The following MECOM variants were observed in gnomAD, a reference collection of about 807,000 sequenced individuals.
MECOM encodes MDS1 and EVI1 complex locus.
MECOM carries 13 observed loss-of-function variants against 116.3 expected under a neutral mutation model. The observed-to-expected ratio is 0.11, with a 90% CI of 0.07 to 0.18. The LOEUF (loss-of-function observed/expected upper bound fraction) is 0.18, where lower values mean the gene tolerates loss of function less well. Among genes scored for constraint, MECOM ranks in the 10% least tolerant of loss-of-function variants. The probability of loss-of-function intolerance (pLI) is 1.00; values close to 1 mark genes in which losing one functional copy is unlikely to be tolerated. For missense variants in MECOM, 1,299 were observed against 1,509.0 expected (o/e 0.86, Z 2.31); for synonymous variants, 528 against 535.2 (o/e 0.99, Z 0.19).
At chr3:169,428,335 C>T (rs1458056489) in intron 1 of MECOM, among the ~76,000 whole-genome samples, 1 of 152,172 alleles carries the variant, frequency 6.6e-6, no homozygotes, top group African/African-American at 2.4e-5. Flanking sequence ...GAAACTTCCA[C>T]CTCAGATCAT....
At chr3:169,088,707 TG>T in intron 16 of MECOM, among the ~76,000 whole-genome samples, 1 of 152,106 alleles carries the variant, frequency 6.6e-6, no homozygotes, top group Admixed American at 6.6e-5. Flanking sequence ...ACAAACATGA[TG>T]AACTAACTGT....
chr3:169,331,799 T>TA (rs1351292774), intron 2 of MECOM, among the ~76,000 whole-genome samples: 1 of 152,148 alleles, frequency 6.6e-6, no homozygotes, highest in Non-Finnish European at 1.5e-5. Context: ...AGCTTTTCTC[T>TA]AAAATAAATT....
intron 1 of MECOM, among the ~76,000 whole-genome samples, chr3:169,492,325 A>T (rs6784181): frequency 0.73 from 110,485 of 152,122 alleles, 40,828 homozygotes; most frequent in African/African-American, 0.88. Flanking sequence ...TATGAGAGCA[A>T]AACTTGTTGA....
At chr3:169,232,465 C>T (rs1209086042) in intron 2 of MECOM, among the ~76,000 whole-genome samples, 1 of 151,504 alleles carries the variant, frequency 6.6e-6, no homozygotes, top group Non-Finnish European at 1.5e-5. Flanking sequence ...GGAAGGGAGA[C>T]ACATCAAAGA....
intron 1 of MECOM, among the ~76,000 whole-genome samples, chr3:169,499,545 T>C (rs1319621789): frequency 6.6e-6 from 1 of 151,384 alleles, no homozygotes; most frequent in Admixed American, 6.6e-5. Context: ...TCCAGACTTA[T>C]AAGACCTAAA....
chr3:169,550,409 G>C (rs1018543312), intron 1 of MECOM, among the ~76,000 whole-genome samples: 1 of 152,172 alleles, frequency 6.6e-6, no homozygotes, highest in East Asian at 1.9e-4. Flanking sequence ...AGATGAAAAC[G>C]TAATTGTCAC....
chr3:169,119,013 T>A (rs905291284), intron 7 of MECOM, among the ~76,000 whole-genome samples: 1 of 152,224 alleles, frequency 6.6e-6, no homozygotes, highest in East Asian at 1.9e-4. Flanking sequence ...ACATTGCATT[T>A]TTCTACTTAT....
At chr3:169,186,877 T>C (rs1320297773) in intron 2 of MECOM, among the ~76,000 whole-genome samples, 2 of 152,174 alleles carry the variant, frequency 1.3e-5, no homozygotes, top group Non-Finnish European at 2.9e-5. Context: ...TCAGCAGATA[T>C]TATTTGTAAA....
intron 1 of MECOM, among the ~76,000 whole-genome samples, chr3:169,485,904 T>C (rs1158947449): frequency 1.5e-5 from 2 of 131,422 alleles, no homozygotes; most frequent in African/African-American, 5.9e-5. Flanking sequence ...GTATATATAG[T>C]ATATATGTAT....
chr3:169,589,745 A>G (rs895460872), intron 1 of MECOM, among the ~76,000 whole-genome samples: 3 of 152,126 alleles, frequency 2.0e-5, no homozygotes, highest in Non-Finnish European at 4.4e-5. Context: ...TCTCATCTTC[A>G]TCGCCACACT....
At chr3:169,213,533 T>A (rs1272783020) in intron 2 of MECOM, among the ~76,000 whole-genome samples, 1 of 152,092 alleles carries the variant, frequency 6.6e-6, no homozygotes, top group Admixed American at 6.6e-5. Flanking sequence ...GGGGGCCCAT[T>A]TTCAAAGAGG....
rs1776620026 is a variant in MECOM at position 169,663,537 on chromosome 3, T to C, written c.-165A>G. The C allele has an allele frequency of 1.7e-6, 1 of 578,006 alleles. No individual in the cohort carries two copies. The highest frequency in any genetic ancestry group is 2.3e-5 in the African/African-American group (1 of 43,946). The allele number at this position is 578,006 out of a possible 1,614,324, so 35.8% of individuals were successfully genotyped here. A position where few individuals can be genotyped will look rare whatever the true frequency, so the allele number is the denominator to read the frequency against. Reference sequence around the variant, plus strand: ...CTCTCTCTCTCTCTCTCTCCCTCCCTCCTGTTTCTCTCCTGTTTCTCTCTC... The same window carrying C: ...CTCTCTCTCTCTCTCTCTCCCTCCCCCCTGTTTCTCTCCTGTTTCTCTCTC... On this transcript the variant is annotated 5_prime_UTR_variant, in exon 1 of 17. Coordinates refer to ENST00000651503, the MANE Select transcript of MECOM (RefSeq NM_004991.4).
At chr3:169,284,916 G>A (rs181165853) in intron 2 of MECOM, among the ~76,000 whole-genome samples, 6 of 151,976 alleles carry the variant, frequency 3.9e-5, no homozygotes, top group East Asian at 1.9e-4. Context: ...TCACCATCTC[G>A]GGCAGTGACC....
At chr3:169,206,864 C>A (rs1750003295) in intron 2 of MECOM, among the ~76,000 whole-genome samples, 1 of 151,670 alleles carries the variant, frequency 6.6e-6, no homozygotes, top group South Asian at 2.1e-4. Flanking sequence ...CAAGATGATT[C>A]TAGTGAATAT....
intron 2 of MECOM, among the ~76,000 whole-genome samples, chr3:169,216,853 A>T (rs1560005512): frequency 6.6e-6 from 1 of 152,138 alleles, no homozygotes; most frequent in Non-Finnish European, 1.5e-5. Flanking sequence ...CTGTAAAACA[A>T]AAACAAAAAC....
chr3:169,102,515 A>G (rs1275816652), intron 10 of MECOM, among the ~76,000 whole-genome samples: 1 of 152,214 alleles, frequency 6.6e-6, no homozygotes, highest in African/African-American at 2.4e-5. Flanking sequence ...TACATAAGAG[A>G]GCCAATAAAG....
intron 1 of MECOM, chr3:169,473,034 G>C (rs1749805114): frequency 2.1e-5 from 19 of 895,058 alleles, no homozygotes; most frequent in Non-Finnish European, 2.4e-5. Context: ...GAAAAACCTA[G>C]AGAAGGAGTC....
intron 1 of MECOM, among the ~76,000 whole-genome samples, chr3:169,623,685 A>G (rs1771015396): frequency 6.6e-6 from 1 of 152,168 alleles, no homozygotes; most frequent in African/African-American, 2.4e-5. Context: ...TTATAAGTTC[A>G]TAAAGTTTAA....
chr3:169,619,364 G>A (rs911569590), intron 1 of MECOM, among the ~76,000 whole-genome samples: 7 of 152,132 alleles, frequency 4.6e-5, no homozygotes, highest in African/African-American at 1.4e-4. Context: ...AATAAGGCTG[G>A]GCTGGAGAGG....
Sources: allele counts gnomAD v4.1 joint callset (sites outside exome capture counted in the v4.1 genomes callset), GRCh38; gene constraint gnomAD v4.1.1; transcripts MANE v1.5; gene names NCBI Gene and HGNC (gene_info 2026-07-23, HGNC 2026-07-21).